The following CDH8 variants were observed in gnomAD, a reference collection of about 807,000 sequenced individuals.
CDH8 encodes the protein cadherin-8.
CDH8 carries 17 observed loss-of-function variants against 68.1 expected under a neutral mutation model. The observed-to-expected ratio is 0.25, with a 90% CI of 0.17 to 0.37. The LOEUF is 0.37. CDH8 is among the 10% of genes least tolerant of loss of function. CDH8 has a pLI of 1.00. For missense variants in CDH8, 763 were observed against 999.3 expected (o/e 0.76, Z 3.19); for synonymous variants, 372 against 365.1 (o/e 1.02, Z -0.21).
Position 62,020,498 on chromosome 16 carries a change from G to A in CDH8, c.252+654C>T, listed in dbSNP as rs201472945. ...CAGTCTAACACACACACGCGCGCGC[G>A]CACACACACACACACACACACACAC... is the stretch of plus-strand genomic sequence containing the variant. On this transcript the variant is annotated intron_variant, in intron 2 of 11. Coordinates refer to ENST00000577390, the MANE Select transcript of CDH8 (RefSeq NM_001796.5). Among the ~76,000 whole-genome samples the A allele has an allele frequency of 1.0e-3, 152 of 149,766 alleles. 1 individual carries two copies. In the East Asian group the frequency reaches 0.017, roughly 17 times the overall value.
intron 2 of CDH8, among the ~76,000 whole-genome samples, chr16:61,910,970 G>T (rs561617413): frequency 6.6e-6 from 1 of 152,102 alleles, no homozygotes; most frequent in Non-Finnish European, 1.5e-5. Flanking sequence ...AATAAGCAAT[G>T]ATATAAAATA....
At chr16:61,766,217 C>A (rs1035647773) in intron 8 of CDH8, among the ~76,000 whole-genome samples, 3 of 151,338 alleles carry the variant, frequency 2.0e-5, no homozygotes, top group African/African-American at 7.3e-5. Context: ...AGCTTAGCTG[C>A]CACTTATAAG....
intron 1 of CDH8, among the ~76,000 whole-genome samples, chr16:62,023,558 T>G (rs961502264): frequency 2.6e-5 from 4 of 152,196 alleles, no homozygotes; most frequent in Admixed American, 1.3e-4. Context: ...TATCCTGGGC[T>G]AGATGTGTGG....
At chr16:61,872,423 T>G (rs1963386447) in intron 3 of CDH8, among the ~76,000 whole-genome samples, 1 of 152,164 alleles carries the variant, frequency 6.6e-6, no homozygotes, top group Non-Finnish European at 1.5e-5. Flanking sequence ...GTGGGACAAC[T>G]CAAAATGACG....
In CDH8 at chr16:61,688,842, T is replaced by C. The variant is rs567154264; in HGVS notation, c.1654+24999A>G. 2.6e-5 allele frequency among the ~76,000 whole-genome samples: 4 copies of C among 152,062 alleles called. No individual in the cohort carries two copies. In the South Asian group the frequency reaches 8.3e-4, roughly 32 times the overall value. On this transcript the variant is annotated intron_variant, in intron 10 of 11. Coordinates refer to ENST00000577390, the MANE Select transcript of CDH8 (RefSeq NM_001796.5). The stretch of plus-strand genomic sequence containing the variant: ...GGTCTTTATGATCTTCAAAGCGATG[T>C]TTTCAATGGAATAAAAAATCTCGAA...
intron 3 of CDH8, among the ~76,000 whole-genome samples, chr16:61,892,304 G>C (rs1286884012): frequency 2.0e-5 from 3 of 152,072 alleles, no homozygotes; most frequent in Non-Finnish European, 4.4e-5. Context: ...CTTTTGTGGA[G>C]TAAATTTCTG....
chr16:61,888,641 G>A (rs1963720059), intron 3 of CDH8, among the ~76,000 whole-genome samples: 1 of 152,122 alleles, frequency 6.6e-6, no homozygotes, highest in Non-Finnish European at 1.5e-5. Context: ...TAGATTGAAT[G>A]TGTCTGTAGA....
chr16:61,717,372 G>GAA (rs1964751083), intron 9 of CDH8, among the ~76,000 whole-genome samples: 1 of 151,490 alleles, frequency 6.6e-6, no homozygotes, highest in Non-Finnish European at 1.5e-5. Flanking sequence ...TGAGACTACA[G>GAA]ATTTGAAATT....
chr16:61,736,041 C>A (rs1327169325), intron 8 of CDH8, among the ~76,000 whole-genome samples: 6 of 151,046 alleles, frequency 4.0e-5, no homozygotes, highest in African/African-American at 1.5e-4. Context: ...CCACTGCACT[C>A]CAGCCTGATG....
chr16:61,838,637 A>G (rs961866585), intron 4 of CDH8, among the ~76,000 whole-genome samples: 2 of 152,106 alleles, frequency 1.3e-5, no homozygotes, highest in African/African-American at 4.8e-5. Flanking sequence ...TTGATTTCTG[A>G]GAAACTTGCA....
chr16:61,870,130 T>C (rs1431955422), intron 3 of CDH8, among the ~76,000 whole-genome samples: 2 of 152,192 alleles, frequency 1.3e-5, no homozygotes, highest in African/African-American at 4.8e-5. Flanking sequence ...TCGATGTATC[T>C]AGAAGAAAGA....
chr16:61,967,798 ATTATTTATTTAT>A (rs559975505), intron 2 of CDH8, among the ~76,000 whole-genome samples: 1 of 151,822 alleles, frequency 6.6e-6, no homozygotes, highest in African/African-American at 2.4e-5. Context: ...TTAAATTGAG[ATTATTTATTTAT>A]TTATTTATTT....
chr16:61,706,724 A>G (rs574778937), intron 10 of CDH8, among the ~76,000 whole-genome samples: 1 of 152,104 alleles, frequency 6.6e-6, no homozygotes, highest in South Asian at 2.1e-4. Context: ...AAATAAAGTT[A>G]GGAAGATAGA....
At position 61,727,154 on chromosome 16, in the gene CDH8, G is replaced by A. The variant is rs760001992; in HGVS notation, c.1476C>T (p.Asn492=). Residue 492 remains asparagine, a synonymous_variant, in exon 9 of 12, where the codon AAC becomes AAT. Transcript: ENST00000577390. The stretch of plus-strand genomic sequence containing the variant: ...CATATTCGGATGCGAATTCAGGGGC[G>A]TTGTCATTGACATCCAGCACTTTAA... ...VAIKVLDVND[N]APEFASEYEA... The A allele has an allele frequency of 6.8e-6, 11 of 1,610,042 alleles. No individual in the cohort carries two copies. Among genetic ancestry groups the A allele is most frequent in the Admixed American group, 3.4e-5 (2 of 59,662 alleles).
At chr16:62,008,936 G>T (rs1901737133) in intron 2 of CDH8, among the ~76,000 whole-genome samples, 1 of 107,926 alleles carries the variant, frequency 9.3e-6, no homozygotes, top group South Asian at 3.7e-4. Flanking sequence ...AAAATAATAG[G>T]ATGTGCACAC....
intron 10 of CDH8, among the ~76,000 whole-genome samples, chr16:61,674,952 A>C (rs1159995463): frequency 2.6e-5 from 4 of 151,674 alleles, no homozygotes; most frequent in Non-Finnish European, 1.5e-5. Context: ...AGCAAAAAAA[A>C]AAAAACAAAA....
chr16:61,906,469 A>C (rs1964064091), intron 2 of CDH8, among the ~76,000 whole-genome samples: 1 of 152,210 alleles, frequency 6.6e-6, no homozygotes, highest in Non-Finnish European at 1.5e-5. Context: ...TAAGCCTTCA[A>C]TTTCAGGAAT....
chr16:61,873,060 A>T (rs1689319650), intron 3 of CDH8, among the ~76,000 whole-genome samples: 1 of 152,182 alleles, frequency 6.6e-6, no homozygotes, highest in African/African-American at 2.4e-5. Context: ...TTATTTTTGT[A>T]AGTATTTAAA....
intron 2 of CDH8, among the ~76,000 whole-genome samples, chr16:61,988,586 A>AAAACAAAC (rs113741379): frequency 1.3e-5 from 2 of 151,970 alleles, no homozygotes; most frequent in African/African-American, 4.8e-5. Flanking sequence ...GCAACAAACA[A>AAAACAAAC]AAACAAACAA....
Sources: allele counts gnomAD v4.1 joint callset (sites outside exome capture counted in the v4.1 genomes callset), GRCh38; gene constraint gnomAD v4.1.1; transcripts MANE v1.5; gene names NCBI Gene and HGNC (gene_info 2026-07-23, HGNC 2026-07-21).